RASAL2: variants seen among roughly 807,000 people sequenced by gnomAD.
RASAL2 encodes the protein RAS protein activator like 2, also known as ras GTPase-activating protein nGAP.
In RASAL2, 58 loss-of-function variants were observed where a neutral mutation model predicts 128.9. That is an observed-to-expected ratio of 0.45 (90% CI 0.36 to 0.56). The LOEUF is 0.56. Among genes scored for constraint, RASAL2 ranks in the 20% least tolerant of loss-of-function variants. The pLI is 0.00. For missense variants in RASAL2, 1,360 were observed against 1,601.6 expected (o/e 0.85, Z 2.57); for synonymous variants, 561 against 580.8 (o/e 0.97, Z 0.49).
Position 178,094,396 on chromosome 1 carries a change from C to T in RASAL2, c.-97C>T. 8.4e-7 allele frequency: 1 copy of T among 1,188,366 alleles called. No homozygotes were observed. The highest frequency in any genetic ancestry group is 1.1e-6 in the Non-Finnish European group (1 of 884,264). 73.6% of individuals were successfully genotyped at this position (1,188,366 alleles called of 1,614,324 possible). A position where few individuals can be genotyped will look rare whatever the true frequency, so the allele number is the denominator to read the frequency against. Reference sequence around the variant, plus strand: ...GCCGCTCGGGTCCCTGCCCTCGCTGCGCGCTCTCCTCCTCCCCTTACCGCA... The same window carrying T: ...GCCGCTCGGGTCCCTGCCCTCGCTGTGCGCTCTCCTCCTCCCCTTACCGCA... On this transcript the variant is annotated 5_prime_UTR_variant, in exon 1 of 18. Transcript: ENST00000367649.
At chr1:178,399,725 C>G (rs1267422256) in intron 4 of RASAL2, among the ~76,000 whole-genome samples, 2 of 152,152 alleles carry the variant, frequency 1.3e-5, no homozygotes, top group African/African-American at 4.8e-5. Context: ...CGTTTAATGA[C>G]ATTGTCTTCC....
chr1:178,465,556 T>A (rs1035570101), intron 15 of RASAL2, among the ~76,000 whole-genome samples: 1 of 152,096 alleles, frequency 6.6e-6, no homozygotes, highest in African/African-American at 2.4e-5. Flanking sequence ...GGTTTTTTTT[T>A]CCCCCTTTCA....
chr1:178,227,030 A>G (rs1362431256), intron 1 of RASAL2, among the ~76,000 whole-genome samples: 4 of 152,034 alleles, frequency 2.6e-5, no homozygotes, highest in African/African-American at 9.7e-5. Flanking sequence ...ATACATCTCA[A>G]CTACCAGCTG....
At chr1:178,110,077 C>T (rs1205066669) in intron 1 of RASAL2, among the ~76,000 whole-genome samples, 1 of 152,148 alleles carries the variant, frequency 6.6e-6, no homozygotes, top group Non-Finnish European at 1.5e-5. Context: ...AACTACACAT[C>T]TTTAAAGTGT....
At chr1:178,258,161 G>A (rs1460447908) in intron 1 of RASAL2, among the ~76,000 whole-genome samples, 1 of 151,830 alleles carries the variant, frequency 6.6e-6, no homozygotes, top group East Asian at 1.9e-4. Context: ...AGGCATGGTG[G>A]CACGCACCTG....
At chr1:178,408,612 G>GTTTTTTTTTTTTTTTTTTT (rs756656921) in intron 4 of RASAL2, among the ~76,000 whole-genome samples, 1 of 142,482 alleles carries the variant, frequency 7.0e-6, no homozygotes, top group African/African-American at 2.9e-5. Context: ...GTTTTTTTTT[G>GTTTTTTTTTTTTTTTTTTT]TTTTTTGTTT....
Position 178,433,742 on chromosome 1 carries a change from G to A in RASAL2, c.675-5680G>A, listed in dbSNP as rs528614245. Reference sequence around the variant, plus strand: ...AGCCTGGCCAACATGGTAAAACCCCGTCTCTACTAAAAATACAAAAATTAA... The same window carrying A: ...AGCCTGGCCAACATGGTAAAACCCCATCTCTACTAAAAATACAAAAATTAA... On this transcript the variant is annotated intron_variant, in intron 5 of 17. Transcript: ENST00000367649. Among the ~76,000 whole-genome samples the A allele has an allele frequency of 2.0e-4, 30 of 151,956 alleles. 1 individual carries two copies. The highest frequency in any genetic ancestry group is 3.4e-3 in the Middle Eastern group (1 of 294).
intron 1 of RASAL2, among the ~76,000 whole-genome samples, chr1:178,183,023 T>G (rs1008143100): frequency 4.6e-5 from 7 of 152,010 alleles, no homozygotes; most frequent in African/African-American, 1.7e-4. Context: ...TGACAGGAGG[T>G]GCAGCTCAGG....
chr1:178,118,775 A>G (rs1360217404), intron 1 of RASAL2, among the ~76,000 whole-genome samples: 1 of 152,108 alleles, frequency 6.6e-6, no homozygotes, highest in African/African-American at 2.4e-5. Flanking sequence ...TTATCTGCTG[A>G]CTTGAACACA....
chr1:178,181,435 G>T (rs895813863), intron 1 of RASAL2, among the ~76,000 whole-genome samples: 5 of 151,312 alleles, frequency 3.3e-5, no homozygotes, highest in Admixed American at 2.0e-4. Flanking sequence ...TCAGCTCACT[G>T]CAAGCTCTGC....
intron 1 of RASAL2, among the ~76,000 whole-genome samples, chr1:178,122,513 T>C (rs550373195): frequency 2.6e-5 from 4 of 152,302 alleles, no homozygotes; most frequent in Admixed American, 2.6e-4. Flanking sequence ...ATTTCAGAAA[T>C]GACACTAGAA....
chr1:178,285,182 A>G (rs34049880), intron 2 of RASAL2, among the ~76,000 whole-genome samples: 35,941 of 139,390 alleles, frequency 0.26, 7,004 homozygotes, highest in African/African-American at 0.56. Flanking sequence ...CTGCAGTGGC[A>G]CAATCTCGGC....
intron 3 of RASAL2, among the ~76,000 whole-genome samples, chr1:178,386,900 G>A (rs555658028): frequency 6.6e-6 from 1 of 151,820 alleles, no homozygotes; most frequent in South Asian, 2.1e-4. Context: ...CAGAAATGTA[G>A]CTCTTAGAGC....
chr1:178,456,394 T>A, intron 12 of RASAL2: 1 of 369,258 alleles, frequency 2.7e-6, no homozygotes, highest in Non-Finnish European at 5.1e-6. Context: ...AAGATTTAGT[T>A]TGCTTCGCAT....
At chr1:178,434,611 A>G (rs1676136021) in intron 5 of RASAL2, among the ~76,000 whole-genome samples, 1 of 152,086 alleles carries the variant, frequency 6.6e-6, no homozygotes, top group African/African-American at 2.4e-5. Flanking sequence ...AGCTAACATA[A>G]AAATCAGTGA....
At chr1:178,254,294 T>C (rs941496500) in intron 1 of RASAL2, among the ~76,000 whole-genome samples, 6 of 152,186 alleles carry the variant, frequency 3.9e-5, no homozygotes, top group Non-Finnish European at 7.4e-5. Flanking sequence ...CAAAACTAGA[T>C]TAAGTCTCCC....
intron 1 of RASAL2, among the ~76,000 whole-genome samples, chr1:178,177,125 G>T (rs556296090): frequency 1.4e-4 from 22 of 152,184 alleles, no homozygotes; most frequent in Non-Finnish European, 2.9e-5. Flanking sequence ...TGAATTAAGT[G>T]TGTGATACTG....
At chr1:178,250,073 A>C (rs939337683) in intron 1 of RASAL2, among the ~76,000 whole-genome samples, 3 of 152,154 alleles carry the variant, frequency 2.0e-5, no homozygotes, top group African/African-American at 7.2e-5. Context: ...GTCCCTTAGC[A>C]GAGCTTGAGT....
chr1:178,391,172 AG>A (rs1207487859), intron 4 of RASAL2, among the ~76,000 whole-genome samples: 19 of 152,148 alleles, frequency 1.2e-4, no homozygotes, highest in Admixed American at 1.1e-3. Context: ...CATTTTTGGG[AG>A]GCTGAGGTGG....
Sources: allele counts gnomAD v4.1 joint callset (sites outside exome capture counted in the v4.1 genomes callset), GRCh38; gene constraint gnomAD v4.1.1; transcripts MANE v1.5; gene names NCBI Gene and HGNC (gene_info 2026-07-23, HGNC 2026-07-21).